NUP98: variants seen among roughly 807,000 people sequenced by gnomAD.
NUP98 encodes nucleoporin 98 and 96 precursor.
A neutral mutation model predicts 191.9 loss-of-function variants in NUP98; 26 were observed. The observed-to-expected ratio is 0.14, with a 90% confidence interval of 0.10 to 0.19. The LOEUF is 0.19. NUP98 is among the 10% of genes least tolerant of loss of function. The probability of loss-of-function intolerance (pLI) is 1.00; values close to 1 mark genes in which losing one functional copy is unlikely to be tolerated. For synonymous variants in NUP98, 808 were observed against 778.4 expected (o/e 1.04, Z -0.63); for missense variants, 1,941 against 2,178.8 (o/e 0.89, Z 2.17).
At chr11:3,693,449 G>A in intron 26 of NUP98, 74 bp from the exon 27 acceptor site, 2 of 1,404,424 alleles carry the variant, frequency 1.4e-6, no homozygotes, top group Non-Finnish European at 2.0e-6. Flanking sequence ...ACACTGAAGT[G>A]AATATTCACT....
intron 16 of NUP98, 165 bp from the exon 17 acceptor site, chr11:3,720,990 GTGT>G (rs2134215542): frequency 2.1e-6 from 1 of 480,742 alleles, no homozygotes; most frequent in East Asian, 3.4e-5. Flanking sequence ...GTGTGTGTGT[GTGT>G]GTGTGTGTGT....
chr11:3,748,928 TATA>T (rs1233163628), intron 11 of NUP98, among the ~76,000 whole-genome samples: 51 of 150,580 alleles, frequency 3.4e-4, no homozygotes, highest in Non-Finnish European at 1.6e-4. Flanking sequence ...CTTTCTGGGG[TATA>T]ATGAGGAATT....
chr11:3,784,251 C>T (rs1253184274), intron 1 of NUP98, among the ~76,000 whole-genome samples: 1 of 152,102 alleles, frequency 6.6e-6, no homozygotes, highest in Non-Finnish European at 1.5e-5. Flanking sequence ...ACATTTTGTG[C>T]AACACTGAAA....
intron 28 of NUP98, among the ~76,000 whole-genome samples, chr11:3,686,846 G>C (rs1564805132): frequency 6.6e-6 from 1 of 152,092 alleles, no homozygotes; most frequent in African/African-American, 2.4e-5. Flanking sequence ...AATTAGCCAG[G>C]TGTGGTAGTG....
chr11:3,686,139 C>G lies in NUP98; in HGVS notation c.4510G>C (p.Asp1504His). 6.2e-7 allele frequency: 1 copy of G among 1,614,220 alleles called. No individual in the cohort carries two copies. The highest frequency in any genetic ancestry group is 8.5e-7 in the Non-Finnish European group (1 of 1,180,056). Residue 1504 changes from aspartate (D) to histidine (H), a missense_variant, in exon 29 of 33, where the codon GAC becomes CAC. Transcript: ENST00000324932. ...CACAAGTGCCAGCTTAGGCGGTAGTCCAAAGGATCTGCTGTTATGCTTCGA... is the reference window on the plus strand; with the variant it reads ...CACAAGTGCCAGCTTAGGCGGTAGTGCAAAGGATCTGCTGTTATGCTTCGA... ...EPRSITADPL[D>H]YRLSWHLWEV...
At chr11:3,723,039 C>G in intron 16 of NUP98, 118 bp downstream of exon 16, 2 of 878,442 alleles carry the variant, frequency 2.3e-6, no homozygotes, top group Non-Finnish European at 3.6e-6. Flanking sequence ...TATGTGGGAT[C>G]ACATAAAATA....
intron 6 of NUP98, among the ~76,000 whole-genome samples, chr11:3,772,784 A>G (rs1202592058): frequency 6.7e-6 from 1 of 149,962 alleles, no homozygotes; most frequent in Non-Finnish European, 1.5e-5. Flanking sequence ...ACTGCACTCC[A>G]GCCTAGGCAA....
Position 3,771,830 on chromosome 11 carries a change from A to C in NUP98, c.702T>G (p.Thr234=). The change falls in exon 7 of 33, where the codon ACT becomes ACG. Residue 234 remains threonine, a synonymous_variant. Coordinates refer to ENST00000324932, the MANE Select transcript of NUP98 (RefSeq NM_016320.5). ...AGCTGAAGAGTCCTGTTGCGCTGGA[A>C]GTGGCTGGAGAAGACCCAAACAAGC... The part of the protein sequence containing the change: ...TTGLFGSSPA[T]SSATGLFSSS... 1.2e-6 allele frequency: 2 copies of C among 1,614,184 alleles called. No homozygotes were observed. The highest frequency in any genetic ancestry group is 1.7e-6 in the Non-Finnish European group (2 of 1,180,046).
chr11:3,683,470 C>A (rs750043946), intron 29 of NUP98, 29 bp from the exon 30 acceptor site: 4 of 1,611,320 alleles, frequency 2.5e-6, no homozygotes, highest in African/African-American at 2.7e-5. Flanking sequence ...TAGAATAAAT[C>A]CCATCCTCAT....
At chr11:3,744,000 A>G (rs1200225932) in intron 12 of NUP98, among the ~76,000 whole-genome samples, 1 of 152,206 alleles carries the variant, frequency 6.6e-6, no homozygotes, top group East Asian at 1.9e-4. Flanking sequence ...TGGAGGTTGC[A>G]GTGAGCTGAG....
intron 21 of NUP98, 74 bp downstream of exon 21, chr11:3,706,371 G>T: frequency 7.2e-7 from 1 of 1,381,074 alleles, no homozygotes; most frequent in Non-Finnish European, 1.0e-6. Flanking sequence ...CCAAGGAAGA[G>T]ACCTGATCCT....
chr11:3,774,276 G>C (rs961477349), intron 5 of NUP98, among the ~76,000 whole-genome samples: 1 of 152,032 alleles, frequency 6.6e-6, no homozygotes, highest in Non-Finnish European at 1.5e-5. Flanking sequence ...GCCAGGCGTG[G>C]TAGCGTGCAC....
intron 22 of NUP98, 33 bp from the exon 23 acceptor site, chr11:3,702,925 CTA>C: frequency 2.0e-6 from 3 of 1,525,358 alleles, no homozygotes; most frequent in Non-Finnish European, 2.7e-6. Flanking sequence ...GGGAGAAAGA[CTA>C]TTACAAAACA....
At chr11:3,700,953 TC>T (rs1389541028) in intron 23 of NUP98, 114 bp from the exon 24 acceptor site, 3 of 729,628 alleles carry the variant, frequency 4.1e-6, no homozygotes, top group Non-Finnish European at 4.5e-6. Context: ...TGCAAACATT[TC>T]ACTGTAGTTT....
intron 1 of NUP98, among the ~76,000 whole-genome samples, chr11:3,789,497 ATTTCTT>A (rs2082260450): frequency 8.5e-6 from 1 of 117,404 alleles, no homozygotes; most frequent in African/African-American, 3.1e-5. Context: ...TCATTTACCT[ATTTCTT>A]TTTTTTTTTT....
At chr11:3,709,449 A>G (rs1446475659) in intron 20 of NUP98, among the ~76,000 whole-genome samples, 1 of 152,052 alleles carries the variant, frequency 6.6e-6, no homozygotes, top group African/African-American at 2.4e-5. Flanking sequence ...CCTGGCCTAT[A>G]ATCCCAGCAC....
chr11:3,678,136 T>TAAAA (rs76077592), intron 31 of NUP98, among the ~76,000 whole-genome samples: 2 of 103,404 alleles, frequency 1.9e-5, no homozygotes, highest in African/African-American at 3.3e-5. Context: ...AAACTCTGCC[T>TAAAA]AAAAAAAAAA....
chr11:3,697,652 T>TA (rs1041054033), intron 25 of NUP98, among the ~76,000 whole-genome samples: 15 of 148,820 alleles, frequency 1.0e-4, no homozygotes, highest in South Asian at 4.3e-4. Context: ...CTACTAAAAA[T>TA]AAAAAAAAAG....
intron 20 of NUP98, chr11:3,712,169 T>G: frequency 9.4e-7 from 1 of 1,068,824 alleles, no homozygotes; most frequent in African/African-American, 1.6e-5. Flanking sequence ...AATTTAACTT[T>G]TAAAAAACCA....
Sources: allele counts gnomAD v4.1 joint callset (sites outside exome capture counted in the v4.1 genomes callset), GRCh38; gene constraint gnomAD v4.1.1; transcripts MANE v1.5; gene names NCBI Gene and HGNC (gene_info 2026-07-23, HGNC 2026-07-21).